Variants in MRS2 observed in about 807,000 individuals in gnomAD.
The protein encoded by MRS2 is magnesium transporter MRS2, also known as magnesium transporter MRS2 homolog, mitochondrial.
In MRS2, 40 loss-of-function variants were observed where a neutral mutation model predicts 52.6. That is an observed-to-expected ratio of 0.76 (90% CI 0.59 to 0.99). MRS2 has a LOEUF of 0.99. MRS2 is among the 50% of genes least tolerant of loss of function. The pLI is 0.00. For synonymous variants in MRS2, 193 were observed against 195.9 expected (o/e 0.98, Z 0.13); for missense variants, 472 against 532.7 (o/e 0.89, Z 1.12).
intron 4 of MRS2, among the ~76,000 whole-genome samples, 187 bp downstream of exon 4, chr6:24,409,760 T>C (rs560921411): frequency 6.6e-6 from 1 of 152,352 alleles, no homozygotes; most frequent in South Asian, 2.1e-4. Context: ...TATATGCACA[T>C]GTTCAATAGG....
chr6:24,421,848 G>T (rs9358765), intron 9 of MRS2, among the ~76,000 whole-genome samples: 2 of 152,260 alleles, frequency 1.3e-5, no homozygotes, highest in East Asian at 3.9e-4. Flanking sequence ...GAAAATCTTA[G>T]ATCACATATT....
intron 3 of MRS2, among the ~76,000 whole-genome samples, chr6:24,409,201 T>C (rs567486767): frequency 6.6e-6 from 1 of 152,318 alleles, no homozygotes; most frequent in Admixed American, 6.5e-5. Context: ...TGATGCATAG[T>C]TGTGGTTTCT....
chr6:24,423,894 A>T lies in MRS2; in HGVS notation c.*200A>T. 1 of 321,186 alleles carries T rather than the reference A, an allele frequency of 3.1e-6. No homozygotes were observed. Among genetic ancestry groups the T allele is most frequent in the Admixed American group, 4.4e-5 (1 of 22,594 alleles). The allele number at this position is 321,186 out of a possible 1,614,324, so 19.9% of individuals were successfully genotyped here. On this transcript the variant is annotated 3_prime_UTR_variant, in exon 11 of 11. Coordinates refer to ENST00000378386, the MANE Select transcript of MRS2 (RefSeq NM_020662.4). Reference sequence around the variant, plus strand: ...TAAAGAAACAAAGTATTTGCTTTGTAAAAGGCCAAAATTCTATTTCCTACA... The same window carrying T: ...TAAAGAAACAAAGTATTTGCTTTGTTAAAGGCCAAAATTCTATTTCCTACA...
Position 24,425,121 on chromosome 6 carries a change from G to A in MRS2, c.*1427G>A, listed in dbSNP as rs1052179975. The stretch of plus-strand genomic sequence containing the variant: ...AACATACAGCACCCTCTAGCATTAC[G>A]AATCTCTTAGGATTTTTAAGATTGT... On this transcript the variant is annotated 3_prime_UTR_variant, in exon 11 of 11. Coordinates refer to ENST00000378386, the MANE Select transcript of MRS2 (RefSeq NM_020662.4). The A allele has an allele frequency of 3.3e-5, 5 of 152,174 alleles. No homozygotes were observed. Among genetic ancestry groups the A allele is most frequent in the East Asian group, 1.9e-4 (1 of 5,202 alleles). 9.4% of individuals were successfully genotyped at this position (152,174 alleles called of 1,614,324 possible). A position where few individuals can be genotyped will look rare whatever the true frequency, so the allele number is the denominator to read the frequency against.
chr6:24,417,940 CAAAA>C, intron 7 of MRS2, 140 bp from the exon 8 acceptor site: 3 of 518,264 alleles, frequency 5.8e-6, no homozygotes, highest in East Asian at 6.9e-5. Context: ...AACTCCATCT[CAAAA>C]AAAAAAAAAG....
rs1373196939 is a variant in MRS2 at position 24,403,033 on chromosome 6, C to T, written c.-14C>T. ...TCTGGGGTCTGGCTGCTGCCTGCTT[C>T]TTGCTCCAGCACCATGGAATGCCTG... On this transcript the variant is annotated 5_prime_UTR_variant, in exon 1 of 11. Coordinates refer to ENST00000378386, the MANE Select transcript of MRS2 (RefSeq NM_020662.4). 1.3e-6 allele frequency: 2 copies of T among 1,575,592 alleles called. No individual in the cohort carries two copies. The highest frequency in any genetic ancestry group is 1.8e-5 in the Admixed American group (1 of 55,328).
intron 9 of MRS2, among the ~76,000 whole-genome samples, chr6:24,421,401 CT>C (rs1485730131): frequency 1.6e-5 from 2 of 127,290 alleles, no homozygotes; most frequent in Non-Finnish European, 3.7e-5. Flanking sequence ...TGTAGGTGTC[CT>C]GAAGAATAGT....
At chr6:24,415,222 T>C in intron 6 of MRS2, 59 bp downstream of exon 6, 1 of 1,481,688 alleles carries the variant, frequency 6.7e-7, no homozygotes, top group South Asian at 1.5e-5. Flanking sequence ...AAATCAATTA[T>C]TAACATTTTG....
Position 24,422,950 on chromosome 6 carries a change from T to G in MRS2, c.1121T>G (p.Phe374Cys). Residue 374 changes from phenylalanine (F) to cysteine (C), a missense_variant, in exon 10 of 11, where the codon TTT (phenylalanine) becomes TGT (cysteine). Phe to Cys is a radical substitution (Grantham distance 205). Transcript: ENST00000378386. ...GTTCTCTTTTAGGACCATAGAATTT[T>G]TTGGCTGATTACAGGAATTATGTTC... The part of the protein sequence containing the change: ...ESSLEEDHRI[F>C]WLITGIMFMG... The G allele has an allele frequency of 6.2e-7, 1 of 1,613,582 alleles. No homozygotes were observed.
At chr6:24,414,817 T>A (rs1482940671) in intron 5 of MRS2, among the ~76,000 whole-genome samples, 1 of 152,324 alleles carries the variant, frequency 6.6e-6, no homozygotes, top group Non-Finnish European at 1.5e-5. Context: ...GTCAACCAAA[T>A]CTGTGCCTAA....
chr6:24,416,643 C>A (rs900808557), intron 7 of MRS2, 130 bp downstream of exon 7: 6 of 675,954 alleles, frequency 8.9e-6, no homozygotes, highest in Non-Finnish European at 1.6e-5. Context: ...TTTTCATCCC[C>A]AGTTTCCCTT....
intron 10 of MRS2, 66 bp downstream of exon 10, chr6:24,423,116 C>T (rs1022635354): frequency 1.2e-5 from 16 of 1,311,820 alleles, no homozygotes; most frequent in Admixed American, 2.1e-5. Context: ...AAAGTCAGAG[C>T]GCCTGGGATT....
intron 2 of MRS2, 80 bp downstream of exon 2, chr6:24,405,321 A>G (rs1761431281): frequency 2.9e-6 from 3 of 1,026,774 alleles, no homozygotes; most frequent in African/African-American, 1.6e-5. Flanking sequence ...GTTGGCCAAG[A>G]TACTACTTAT....
At chr6:24,409,330 A>C in intron 3 of MRS2, 131 bp from the exon 4 acceptor site, 1 of 545,246 alleles carries the variant, frequency 1.8e-6, no homozygotes, top group South Asian at 2.9e-5. Flanking sequence ...ATATTAAAAG[A>C]CTTAATTTTA....
At chr6:24,410,617 T>C in intron 4 of MRS2, 1 of 789,674 alleles carries the variant, frequency 1.3e-6, no homozygotes, top group Non-Finnish European at 1.9e-6. Context: ...GACCAGGAGT[T>C]TGTGACCAGC....
intron 5 of MRS2, among the ~76,000 whole-genome samples, chr6:24,413,544 C>G (rs1451636888): frequency 6.6e-6 from 1 of 152,140 alleles, no homozygotes; most frequent in East Asian, 1.9e-4. Flanking sequence ...AGCAGCCTCC[C>G]CAACCACTAC....
In MRS2 at chr6:24,426,169, A is replaced by G. The variant is rs889279491; in HGVS notation, c.*2475A>G. The G allele has an allele frequency of 1.3e-5, 2 of 152,264 alleles. No individual in the cohort carries two copies. Among genetic ancestry groups the G allele is most frequent in the African/African-American group, 4.8e-5 (2 of 41,480 alleles). 9.4% of individuals were successfully genotyped at this position (152,264 alleles called of 1,614,324 possible). On this transcript the variant is annotated 3_prime_UTR_variant, in exon 11 of 11. Coordinates refer to ENST00000378386, the MANE Select transcript of MRS2 (RefSeq NM_020662.4). ...TGTAAATGTCTTCTGATATCTTGAA[A>G]TAAAGATAAATTTCAGTTAAACTTG... is the stretch of plus-strand genomic sequence containing the variant.
In MRS2 at chr6:24,403,002, T is replaced by G. The variant is rs1317791822; in HGVS notation, c.-45T>G. On this transcript the variant is annotated 5_prime_UTR_variant, in exon 1 of 11. An upstream start codon of the reference 5' UTR is lost. Coordinates refer to ENST00000378386, the MANE Select transcript of MRS2 (RefSeq NM_020662.4). ...CGGCCTGAGCAGCCAGCGTCCGGCA[T>G]GAAGGTCTGGGGTCTGGCTGCTGCC... 9.3e-6 allele frequency: 14 copies of G among 1,509,522 alleles called. No individual in the cohort carries two copies. Among genetic ancestry groups the G allele is most frequent in the Non-Finnish European group, 1.2e-5 (14 of 1,129,590 alleles). 93.5% of individuals were successfully genotyped at this position (1,509,522 alleles called of 1,614,324 possible).
chr6:24,403,375 G>A (rs1196518898), intron 1 of MRS2, 139 bp downstream of exon 1: 2 of 810,366 alleles, frequency 2.5e-6, no homozygotes, highest in Admixed American at 3.3e-5. Context: ...CTGTGAGCTT[G>A]CACAGGCCCG....
Sources: allele counts gnomAD v4.1 joint callset (sites outside exome capture counted in the v4.1 genomes callset), GRCh38; gene constraint gnomAD v4.1.1; transcripts MANE v1.5; gene names NCBI Gene and HGNC (gene_info 2026-07-23, HGNC 2026-07-21).